FRMD3: variants seen among roughly 807,000 people sequenced by gnomAD.
The protein encoded by FRMD3 is FERM domain-containing protein 3.
FRMD3 carries 33 observed loss-of-function variants against 70.2 expected under a neutral mutation model. The ratio of observed to expected loss-of-function variants is 0.47; its 90% CI spans 0.36 to 0.63. The LOEUF (loss-of-function observed/expected upper bound fraction) is 0.63. Ranked by LOEUF, FRMD3 falls within the 20% of genes least tolerant of loss-of-function variation. FRMD3 has a pLI of 0.00. For missense variants in FRMD3, 632 were observed against 711.4 expected (o/e 0.89, Z 1.27); for synonymous variants, 279 against 255.9 (o/e 1.09, Z -0.86).
chr9:83,575,801 G>A, the FRMD3 span, among the ~76,000 whole-genome samples: 16 of 152,102 alleles, frequency 1.1e-4, no homozygotes, highest in Non-Finnish European at 1.5e-4. Flanking sequence ...AGATAGCTTC[G>A]TTGATGAATT....
chr9:83,582,762 T>C, the FRMD3 span, among the ~76,000 whole-genome samples: 3 of 152,242 alleles, frequency 2.0e-5, no homozygotes, highest in African/African-American at 7.2e-5. Context: ...AATTAGCATT[T>C]GGAGAGGTTC....
At chr9:83,393,382 A>T (rs1026920107) in intron 1 of FRMD3, among the ~76,000 whole-genome samples, 1 of 152,218 alleles carries the variant, frequency 6.6e-6, no homozygotes. Flanking sequence ...CCTCCAAGAC[A>T]GCAGTCACCA....
chr9:83,247,969 C>T lies in FRMD3; in HGVS notation c.1743G>A (p.Glu581=). 6.2e-7 allele frequency: 1 copy of T among 1,614,208 alleles called. No individual in the cohort carries two copies. Among genetic ancestry groups the T allele is most frequent in the South Asian group, 1.1e-5 (1 of 91,084 alleles). Residue 581 remains glutamate, a synonymous_variant, in exon 14 of 14, where the codon GAG becomes GAA. Transcript: ENST00000304195. ...TGAGGTGGACTTTCCCAGCCACCCA[C>T]TCCTTGAGGGGACAGTAGTATTCAT... ...FHYEYYCPLK[E]WVAGKVHLIL... is the part of the protein sequence containing the mutation.
At chr9:83,304,365 G>A (rs1164827791) in intron 10 of FRMD3, among the ~76,000 whole-genome samples, 1 of 152,070 alleles carries the variant, frequency 6.6e-6, no homozygotes, top group African/African-American at 2.4e-5. Flanking sequence ...CTTGGAGTGT[G>A]GTCTACGGAC....
chr9:83,391,130 T>C (rs1475524433), intron 1 of FRMD3, among the ~76,000 whole-genome samples: 1 of 152,230 alleles, frequency 6.6e-6, no homozygotes. Flanking sequence ...GAAACCTCCA[T>C]TTTCCTGAAA....
In FRMD3 at chr9:83,248,065, AAGG is replaced by A; in HGVS notation, c.1644_1646del (p.Leu550del). The A allele has an allele frequency of 6.2e-7, 1 of 1,614,140 alleles. No individual in the cohort carries two copies. ...AGGAGAGATCAATACCTGACTCCAA[AAGG>A]AGGAGGAGCAGGGGAAATACAAAGA... On this transcript the variant is annotated inframe_deletion, in exon 14 of 14. Transcript: ENST00000304195.
At chr9:83,437,300 T>C (rs891877044) in intron 1 of FRMD3, among the ~76,000 whole-genome samples, 1 of 152,266 alleles carries the variant, frequency 6.6e-6, no homozygotes, top group Non-Finnish European at 1.5e-5. Flanking sequence ...ATGTCCATTA[T>C]ATACCTCAGC....
chr9:83,542,711 C>T (rs1587546871), upstream of FRMD3, among the ~76,000 whole-genome samples: 1 of 152,106 alleles, frequency 6.6e-6, no homozygotes, highest in South Asian at 2.1e-4. Context: ...TAATATAAAA[C>T]CAAAGTGATC....
chr9:83,466,967 C>G (rs772980385), intron 1 of FRMD3, among the ~76,000 whole-genome samples: 6 of 152,136 alleles, frequency 3.9e-5, no homozygotes, highest in Non-Finnish European at 7.3e-5. Context: ...CATTGCACAT[C>G]GACAGGCAAG....
intron 8 of FRMD3, among the ~76,000 whole-genome samples, chr9:83,311,511 G>A (rs1371076781): frequency 6.6e-6 from 1 of 152,184 alleles, no homozygotes; most frequent in Non-Finnish European, 1.5e-5. Flanking sequence ...CTCAACAGAG[G>A]AGAAGAGTGG....
the FRMD3 span, among the ~76,000 whole-genome samples, chr9:83,583,317 G>T: frequency 6.6e-6 from 1 of 151,992 alleles, no homozygotes; most frequent in African/African-American, 2.4e-5. Context: ...CCTCAACATA[G>T]AACCAGACAT....
chr9:83,550,857 C>T, the FRMD3 span, among the ~76,000 whole-genome samples: 5 of 152,146 alleles, frequency 3.3e-5, no homozygotes, highest in African/African-American at 1.2e-4. Flanking sequence ...AGTTGTTTGT[C>T]AGCTGAAGGA....
intron 13 of FRMD3, among the ~76,000 whole-genome samples, chr9:83,275,725 C>T (rs181547917): frequency 1.6e-4 from 24 of 152,158 alleles, no homozygotes; most frequent in Non-Finnish European, 2.6e-4. Context: ...GCCCATGGTA[C>T]GCTAAACCCT....
At chr9:83,583,648 G>A in the FRMD3 span, among the ~76,000 whole-genome samples, 1 of 152,062 alleles carries the variant, frequency 6.6e-6, no homozygotes, top group Admixed American at 6.6e-5. Flanking sequence ...TCACTCTGTA[G>A]CCCAGGCCGG....
At chr9:83,270,026 G>C (rs1045482941) in intron 13 of FRMD3, among the ~76,000 whole-genome samples, 1 of 152,210 alleles carries the variant, frequency 6.6e-6, no homozygotes, top group Non-Finnish European at 1.5e-5. Flanking sequence ...AACAAGAAAA[G>C]AGAGGTGGGA....
intron 1 of FRMD3, among the ~76,000 whole-genome samples, chr9:83,500,364 T>C (rs375573370): frequency 7.2e-6 from 1 of 138,364 alleles, no homozygotes; most frequent in African/African-American, 2.5e-5. Context: ...CATATACTTA[T>C]ATACCTAATT....
chr9:83,396,401 A>T (rs1237443637), intron 1 of FRMD3, among the ~76,000 whole-genome samples: 2 of 152,218 alleles, frequency 1.3e-5, no homozygotes, highest in Non-Finnish European at 2.9e-5. Flanking sequence ...TCTTAAAGGA[A>T]CCCAGATTTT....
At chr9:83,364,662 T>C (rs994024169) in intron 3 of FRMD3, among the ~76,000 whole-genome samples, 2 of 152,246 alleles carry the variant, frequency 1.3e-5, no homozygotes, top group Non-Finnish European at 1.5e-5. Context: ...TTCTGGGTTT[T>C]ATATTTTCCT....
intron 1 of FRMD3, among the ~76,000 whole-genome samples, chr9:83,407,974 T>C (rs922555912): frequency 2.0e-5 from 3 of 151,350 alleles, no homozygotes; most frequent in Non-Finnish European, 4.4e-5. Context: ...GTAGCTAGCT[T>C]GGGCTTCCTT....
Sources: gnomAD v4.1 joint callset for allele counts (sites outside exome capture counted in the v4.1 genomes callset) on GRCh38, gnomAD v4.1.1 for gene constraint, MANE v1.5 for transcripts, NCBI Gene and HGNC (gene_info 2026-07-23, HGNC 2026-07-21) for gene names.